The following KIAA1217 variants were observed in gnomAD, a reference collection of about 807,000 sequenced individuals.
The protein encoded by KIAA1217 is sickle tail protein homolog.
Under a neutral mutation model 163.9 loss-of-function variants are expected in KIAA1217, and 88 were observed. The observed-to-expected ratio is 0.54, with a 90% confidence interval of 0.45 to 0.64. The LOEUF is 0.64. Among genes scored for constraint, KIAA1217 ranks in the 30% least tolerant of loss-of-function variants. The probability of loss-of-function intolerance (pLI) is 0.00; values close to 1 mark genes in which losing one functional copy is unlikely to be tolerated. For missense variants in KIAA1217, 2,372 were observed against 2,475.0 expected, an observed-to-expected ratio of 0.96 and a Z score of 0.88; for synonymous variants, 903 against 923.1, an observed-to-expected ratio of 0.98 and a Z score of 0.39.
chr10:23,990,318 C>T (rs1846164066), intron 1 of KIAA1217, among the ~76,000 whole-genome samples: 1 of 152,192 alleles, frequency 6.6e-6, no homozygotes. Context: ...TTTCAAGTTT[C>T]ATCTTTCTAT....
Position 24,358,086 on chromosome 10 carries a change from T to C in KIAA1217, c.355-22783T>C, listed in dbSNP as rs181841048. ...ACCAATGCCTTCTTCCAGCCTTTCA[T>C]TCATTCATTCTGTAAGTGAAAACTC... is the stretch of plus-strand genomic sequence containing the variant. On this transcript the variant is annotated intron_variant, in intron 2 of 20. Transcript: ENST00000376454. Among the ~76,000 whole-genome samples, 537 of 152,342 alleles carry C rather than the reference T, an allele frequency of 3.5e-3. 1 individual carries two copies. The highest frequency in any genetic ancestry group is 0.014 in the Middle Eastern group (4 of 292).
At chr10:24,264,184 C>T (rs147826876) in intron 2 of KIAA1217, among the ~76,000 whole-genome samples, 291 of 152,224 alleles carry the variant, frequency 1.9e-3, no homozygotes, top group African/African-American at 6.4e-3. Context: ...ATCCATACAA[C>T]GAGTACAGCG....
chr10:23,785,654 G>A lies in KIAA1217; in HGVS notation c.-321+90420G>A, dbSNP rs531689013. Among the ~76,000 whole-genome samples the A allele has an allele frequency of 2.6e-5, 4 of 152,226 alleles. No individual in the cohort carries two copies. In the East Asian group the frequency reaches 7.7e-4, roughly 29 times the overall value. ...CATGTTATTTAACCATAAGACCTTA[G>A]CTTCCTCATGAAAAGGTTGGGCTTT... On this transcript the variant is annotated intron_variant, in intron 1 of 18. Coordinates refer to the KIAA1217 transcript ENST00000376462.
chr10:23,849,166 G>C (rs1839185052), intron 1 of KIAA1217, among the ~76,000 whole-genome samples: 1 of 152,084 alleles, frequency 6.6e-6, no homozygotes. Context: ...CTGAATAAAT[G>C]AAGTAGATTT....
chr10:23,964,804 C>T (rs953481141), intron 1 of KIAA1217, among the ~76,000 whole-genome samples: 3 of 152,248 alleles, frequency 2.0e-5, no homozygotes, highest in Admixed American at 1.3e-4. Context: ...ATCTGCCTGC[C>T]TCAGCCTCCC....
At chr10:24,029,410 T>C (rs767736824) in intron 2 of KIAA1217, among the ~76,000 whole-genome samples, 69 of 152,252 alleles carry the variant, frequency 4.5e-4, no homozygotes, top group Non-Finnish European at 8.1e-4. Flanking sequence ...TCATCTACTC[T>C]AAGGAGTATT....
chr10:23,971,910 C>G (rs189428598), intron 1 of KIAA1217, among the ~76,000 whole-genome samples: 252 of 152,284 alleles, frequency 1.7e-3, no homozygotes, highest in Middle Eastern at 3.4e-3. Flanking sequence ...ATTTTCTTAA[C>G]CCAGACACTC....
intron 2 of KIAA1217, among the ~76,000 whole-genome samples, chr10:24,020,859 AAAC>A (rs775065008): frequency 2.0e-5 from 3 of 152,038 alleles, no homozygotes; most frequent in Non-Finnish European, 4.4e-5. Context: ...AAACAAAACA[AAAC>A]AACAACCTTG....
intron 2 of KIAA1217, among the ~76,000 whole-genome samples, chr10:24,061,624 C>T (rs2060725445): frequency 6.6e-6 from 1 of 152,150 alleles, no homozygotes; most frequent in Non-Finnish European, 1.5e-5. Context: ...TTTATCTCTT[C>T]TACATTTTTG....
chr10:23,845,846 A>G (rs951744426), intron 1 of KIAA1217, among the ~76,000 whole-genome samples: 1 of 152,172 alleles, frequency 6.6e-6, no homozygotes, highest in Admixed American at 6.5e-5. Flanking sequence ...GTTTTCTTCT[A>G]GGATTTTTAT....
intron 1 of KIAA1217, among the ~76,000 whole-genome samples, chr10:23,967,497 C>T (rs964636809): frequency 1.3e-5 from 2 of 151,882 alleles, no homozygotes; most frequent in African/African-American, 4.8e-5. Flanking sequence ...TACAAATGGC[C>T]AATACATAAA....
At chr10:24,306,938 GC>G (rs2042069911) in intron 2 of KIAA1217, among the ~76,000 whole-genome samples, 2 of 152,138 alleles carry the variant, frequency 1.3e-5, no homozygotes, top group Non-Finnish European at 2.9e-5. Context: ...CATTCACACG[GC>G]AAGAAATGAC....
chr10:24,180,764 A>C (rs559060712), intron 2 of KIAA1217, among the ~76,000 whole-genome samples: 7 of 152,146 alleles, frequency 4.6e-5, no homozygotes, highest in Non-Finnish European at 1.0e-4. Flanking sequence ...GTGTTGTTTT[A>C]AGTTATGTGA....
intron 1 of KIAA1217, among the ~76,000 whole-genome samples, chr10:23,834,937 G>A (rs1456008751): frequency 6.6e-6 from 1 of 152,132 alleles, no homozygotes; most frequent in Non-Finnish European, 1.5e-5. Context: ...TGTTTTGTAA[G>A]TAGTCACTTG....
At chr10:24,135,414 T>A (rs1425915380) in intron 2 of KIAA1217, among the ~76,000 whole-genome samples, 1 of 152,008 alleles carries the variant, frequency 6.6e-6, no homozygotes, top group East Asian at 1.9e-4. Context: ...CGTCTCTGCT[T>A]GCCTCCGCTG....
intron 1 of KIAA1217, among the ~76,000 whole-genome samples, chr10:23,992,832 G>A (rs1191963656): frequency 6.6e-6 from 1 of 151,572 alleles, no homozygotes; most frequent in Admixed American, 6.6e-5. Flanking sequence ...AACTCTAGGA[G>A]GGACACAAAT....
At chr10:24,095,973 T>G (rs1338316948) in intron 2 of KIAA1217, among the ~76,000 whole-genome samples, 1 of 152,200 alleles carries the variant, frequency 6.6e-6, no homozygotes, top group East Asian at 1.9e-4. Flanking sequence ...CTAGGCATGG[T>G]GGTATGCACC....
intron 2 of KIAA1217, among the ~76,000 whole-genome samples, chr10:24,284,274 A>G (rs1276453385): frequency 6.6e-6 from 1 of 152,118 alleles, no homozygotes; most frequent in African/African-American, 2.4e-5. Flanking sequence ...CAGATTTGTT[A>G]CAAGGGTATA....
intron 3 of KIAA1217, among the ~76,000 whole-genome samples, chr10:24,392,811 A>C (rs575056101): frequency 1.3e-5 from 2 of 152,322 alleles, no homozygotes; most frequent in South Asian, 4.1e-4. Context: ...ATGTTACCTG[A>C]ACTGTGTATG....
Sources: gnomAD v4.1 joint callset for allele counts (sites outside exome capture counted in the v4.1 genomes callset) on GRCh38, gnomAD v4.1.1 for gene constraint, MANE v1.5 for transcripts, NCBI Gene and HGNC (gene_info 2026-07-23, HGNC 2026-07-21) for gene names.